The following ADAMTS16 variants were observed in gnomAD, a reference collection of about 807,000 sequenced individuals.
The protein encoded by ADAMTS16 is ADAM metallopeptidase with thrombospondin type 1 motif 16, also known as A disintegrin and metalloproteinase with thrombospondin motifs 16.
In ADAMTS16, 94 loss-of-function variants were observed where a neutral mutation model predicts 145.8. The ratio of observed to expected loss-of-function variants is 0.64; its 90% CI spans 0.55 to 0.77. The LOEUF is 0.77. ADAMTS16 is among the 30% of genes least tolerant of loss of function. ADAMTS16 has a pLI of 0.00. For missense variants in ADAMTS16, 1,585 were observed against 1,591.5 expected (o/e 1.00, Z 0.07); for synonymous variants, 659 against 604.3 (o/e 1.09, Z -1.33).
In ADAMTS16 at chr5:5,157,128, C is replaced by T. The variant is rs565904321; in HGVS notation, c.501+10673C>T. 6.0e-5 allele frequency among the ~76,000 whole-genome samples: 9 copies of T among 150,304 alleles called. No individual in the cohort carries two copies. The East Asian group carries it at 1.8e-3, about 29-fold the overall frequency. ...TAACTTTTTTTTTTTTTAGGAAGAA[C>T]AGCATGTGTTTAAAATCAAGTAAAT... is the stretch of plus-strand genomic sequence containing the variant. On this transcript the variant is annotated intron_variant, in intron 3 of 22. Transcript: ENST00000274181.
intron 17 of ADAMTS16, among the ~76,000 whole-genome samples, chr5:5,261,860 C>T (rs1210670752): frequency 6.6e-6 from 1 of 152,164 alleles, no homozygotes; most frequent in Admixed American, 6.5e-5. Context: ...TCATCACCAC[C>T]ATCATCTCCA....
chr5:5,311,300 C>CAAAAAA (rs57267931), intron 21 of ADAMTS16, among the ~76,000 whole-genome samples: 255 of 126,894 alleles, frequency 2.0e-3, no homozygotes, highest in Non-Finnish European at 2.5e-3. Flanking sequence ...TTGACATAGG[C>CAAAAAA]AAAAAAAAAA....
At chr5:5,301,651 C>T (rs560829187) in intron 18 of ADAMTS16, among the ~76,000 whole-genome samples, 3 of 152,322 alleles carry the variant, frequency 2.0e-5, no homozygotes, top group Non-Finnish European at 2.9e-5. Flanking sequence ...CTCTGGGCTT[C>T]TGCTTTGACA....
chr5:5,293,518 C>T lies in ADAMTS16; in HGVS notation c.2790-9750C>T, dbSNP rs191500188. 3.9e-5 allele frequency among the ~76,000 whole-genome samples: 6 copies of T among 152,248 alleles called. No homozygotes were observed. In the East Asian group the frequency reaches 1.2e-3, roughly 29 times the overall value. On this transcript the variant is annotated intron_variant, in intron 18 of 22. Coordinates refer to ENST00000274181, the MANE Select transcript of ADAMTS16 (RefSeq NM_139056.4). ...TGTCAGAAAAGAGCTGGCTGGAGAG[C>T]ACCCCAGGCCGGGTTTCAGGAGCTG... is the stretch of plus-strand genomic sequence containing the variant.
intron 17 of ADAMTS16, among the ~76,000 whole-genome samples, chr5:5,258,820 A>G (rs75362940): frequency 0.024 from 3,670 of 151,038 alleles, 42 homozygotes; most frequent in Non-Finnish European, 0.032. Context: ...GTGTGCATGC[A>G]TATGTATATG....
At chr5:5,156,999 A>C (rs56280515) in intron 3 of ADAMTS16, among the ~76,000 whole-genome samples, 28,613 of 152,156 alleles carry the variant, frequency 0.19, 3,065 homozygotes, top group Middle Eastern at 0.28. Flanking sequence ...CTCCATCCCC[A>C]GTGATTCCAG....
At chr5:5,212,211 TTTG>T (rs1438100897) in intron 10 of ADAMTS16, among the ~76,000 whole-genome samples, 2 of 102,314 alleles carry the variant, frequency 2.0e-5, no homozygotes, top group Admixed American at 1.3e-4. Context: ...TTTGTTTTGT[TTTG>T]TTTTTTTTTT....
intron 17 of ADAMTS16, among the ~76,000 whole-genome samples, chr5:5,252,342 G>A (rs1167178611): frequency 6.0e-5 from 1 of 16,790 alleles, no homozygotes; most frequent in Non-Finnish European, 2.4e-4. Flanking sequence ...ATGAGAAAAT[G>A]ATTGCCCTGG....
chr5:5,305,770 G>A (rs1009633069), intron 20 of ADAMTS16, among the ~76,000 whole-genome samples: 1 of 152,224 alleles, frequency 6.6e-6, no homozygotes, highest in African/African-American at 2.4e-5. Flanking sequence ...GAGCTGCACA[G>A]CATCGTCCGC....
chr5:5,217,972 G>A (rs1015638339), intron 10 of ADAMTS16, among the ~76,000 whole-genome samples: 1 of 152,156 alleles, frequency 6.6e-6, no homozygotes, highest in Non-Finnish European at 1.5e-5. Flanking sequence ...AGGTACTGTT[G>A]TTAAATTGGG....
rs773890276 is a variant in ADAMTS16 at position 5,182,278 on chromosome 5, C to T, written c.736C>T (p.Gln246Ter). ...CCTTCGCCTGGGACTGCCACAAAAGCAGCATTTCTGTGGAAGACGCAAGAA... is the reference window on the plus strand; with the variant it reads ...CCTTCGCCTGGGACTGCCACAAAAGTAGCATTTCTGTGGAAGACGCAAGAA... ...SDLRLGLPQKQHFCGRRKKYM... is the reference protein window; with the variant it reads ...SDLRLGLPQK The change falls in exon 4 of 23, where the codon CAG (glutamine) becomes TAG (stop). Residue 246 changes from glutamine (Q) to a stop codon, truncating the protein, a stop_gained. Transcript: ENST00000274181. LOFTEE classifies it high-confidence loss of function. 1 of 1,613,328 alleles carries T rather than the reference C, an allele frequency of 6.2e-7. No individual in the cohort carries two copies. The highest frequency in any genetic ancestry group is 8.5e-7 in the Non-Finnish European group (1 of 1,179,430).
chr5:5,262,886 T>A, intron 18 of ADAMTS16, 103 bp downstream of exon 18: 1 of 1,518,766 alleles, frequency 6.6e-7, no homozygotes, highest in Non-Finnish European at 8.9e-7. Flanking sequence ...ATTGCCATCA[T>A]GTCACTCATA....
At chr5:5,184,856 CAT>C (rs1735455410) in intron 4 of ADAMTS16, among the ~76,000 whole-genome samples, 1 of 152,134 alleles carries the variant, frequency 6.6e-6, no homozygotes, top group Non-Finnish European at 1.5e-5. Flanking sequence ...CCTGTGCTAA[CAT>C]GTTGTTTTCA....
At position 5,146,367 on chromosome 5, in the gene ADAMTS16, C is replaced by T. The variant is rs1222691899; in HGVS notation, c.413C>T (p.Thr138Ile). The change falls in exon 3 of 23, where the codon ACT becomes ATT. Residue 138 changes from threonine to isoleucine, a missense_variant. Around this residue, in one of 3 missense-constraint regions of ADAMTS16, gnomAD observed 453 missense variants for 412.1 expected, o/e 1.10. Coordinates refer to ENST00000274181, the MANE Select transcript of ADAMTS16 (RefSeq NM_139056.4). ...LGKTGTKSVQTLPPEDFCFYQ... is the reference protein window; with the variant it reads ...LGKTGTKSVQILPPEDFCFYQ... ...AAGACAGGCACTAAGTCTGTGCAGA[C>T]TTTACCGCCAGAGGACTTCTGTTTC... 6 of 1,614,062 alleles carry T rather than the reference C, an allele frequency of 3.7e-6. No individual in the cohort carries two copies. Among genetic ancestry groups the T allele is most frequent in the Middle Eastern group, 1.6e-4 (1 of 6,084 alleles).
chr5:5,312,039 C>T (rs1347833106), intron 21 of ADAMTS16, among the ~76,000 whole-genome samples: 3 of 152,102 alleles, frequency 2.0e-5, no homozygotes, highest in Admixed American at 1.3e-4. Flanking sequence ...CTTTAAAAAC[C>T]GTAGTGTCCG....
intron 18 of ADAMTS16, among the ~76,000 whole-genome samples, chr5:5,301,569 C>T (rs1254451508): frequency 6.6e-6 from 1 of 152,178 alleles, no homozygotes; most frequent in Admixed American, 6.5e-5. Flanking sequence ...TCCACAAATG[C>T]CATTCTCGAG....
chr5:5,160,513 G>A (rs183977522), intron 3 of ADAMTS16, among the ~76,000 whole-genome samples: 99 of 152,144 alleles, frequency 6.5e-4, no homozygotes, highest in Non-Finnish European at 9.3e-4. Context: ...GAGCTACTTC[G>A]TTTATAAAAA....
rs1334418141 is a variant in ADAMTS16, at chr5:5,232,512, C to A, written c.1846C>A (p.Pro616Thr). ...TCATAGGAGTCGCCTCTGCACCAACCCCAAGTAAGTATGCCTTGACCTCCT... is the reference window on the plus strand; with the variant it reads ...TCATAGGAGTCGCCTCTGCACCAACACCAAGTAAGTATGCCTTGACCTCCT... ...VSHRSRLCTN[P>T]KPSHGGKFCE... Residue 616 changes from proline to threonine, a missense_variant, in exon 12 of 23, where the codon CCC becomes ACC. Pro to Thr is a conservative substitution (Grantham distance 38, BLOSUM62 -1). This residue lies in a region of ADAMTS16 where 834 missense variants were observed against 811.7 expected (regional missense o/e 1.03). Coordinates refer to ENST00000274181, the MANE Select transcript of ADAMTS16 (RefSeq NM_139056.4). The A allele has an allele frequency of 6.2e-7, 1 of 1,613,224 alleles. No individual in the cohort carries two copies. The highest frequency in any genetic ancestry group is 1.7e-5 in the Admixed American group (1 of 59,970).
chr5:5,318,320 G>C, intron 22 of ADAMTS16, 39 bp downstream of exon 22: 1 of 1,367,032 alleles, frequency 7.3e-7, no homozygotes, highest in Non-Finnish European at 9.5e-7. Flanking sequence ...CTGGGCATGG[G>C]GCTGGAATGT....
Sources: allele counts gnomAD v4.1 joint callset (sites outside exome capture counted in the v4.1 genomes callset), GRCh38; gene constraint gnomAD v4.1.1; regional missense constraint gnomAD v4.1.1; transcripts MANE v1.5; gene names NCBI Gene and HGNC (gene_info 2026-07-23, HGNC 2026-07-21).